LMF1: variants seen among roughly 807,000 people sequenced by gnomAD.
LMF1 encodes the protein lipase maturation factor 1.
In LMF1, 68 loss-of-function variants were observed where a neutral mutation model predicts 60.6. The observed-to-expected ratio is 1.12, with a 90% confidence interval of 0.92 to 1.37. The LOEUF is 1.37. Among genes scored for constraint, LMF1 ranks in the 40% most tolerant of loss-of-function variants. The pLI, the probability that LMF1 is intolerant of heterozygous loss-of-function variation, is 0.00. For synonymous variants in LMF1, 418 were observed against 324.7 expected, an observed-to-expected ratio of 1.29 and a Z score of -3.09; for missense variants, 948 against 767.2, an observed-to-expected ratio of 1.24 and a Z score of -2.78.
chr16:926,494 G>A (rs773938643), intron 3 of LMF1, among the ~76,000 whole-genome samples: 2 of 152,322 alleles, frequency 1.3e-5, no homozygotes, highest in East Asian at 1.9e-4. Context: ...ATGTGCGCAC[G>A]TGTGTTTGCA....
chr16:969,207 C>T (rs112373040), intron 1 of LMF1, among the ~76,000 whole-genome samples: 9,536 of 152,114 alleles, frequency 0.063, 366 homozygotes, highest in Non-Finnish European at 0.087. Flanking sequence ...CCCAGCTACT[C>T]GGAAGGCTGA....
chr16:957,895 C>A (rs2072741123), intron 1 of LMF1, among the ~76,000 whole-genome samples: 2 of 152,172 alleles, frequency 1.3e-5, no homozygotes, highest in South Asian at 2.1e-4. Context: ...GTCATCCCAG[C>A]ACTTTGGGAG....
chr16:859,198 T>G (rs1327516282), intron 10 of LMF1, among the ~76,000 whole-genome samples: 1 of 90,704 alleles, frequency 1.1e-5, no homozygotes. Context: ...GGGACGGGTG[T>G]GAGTGGTGTC....
intron 10 of LMF1, among the ~76,000 whole-genome samples, chr16:865,926 C>T (rs553029744): frequency 2.6e-5 from 4 of 152,244 alleles, no homozygotes; most frequent in Non-Finnish European, 4.4e-5. Context: ...ATTCAGATGT[C>T]GAGTGTTTTG....
chr16:959,363 G>C (rs116977600), intron 1 of LMF1, among the ~76,000 whole-genome samples: 8,629 of 152,290 alleles, frequency 0.057, 336 homozygotes, highest in Non-Finnish European at 0.087. Context: ...CACTGGAAAA[G>C]GCAAAACCAG....
At position 897,947 on chromosome 16, in the gene LMF1, C is replaced by T. The variant is rs1176923048; in HGVS notation, c.664-4875G>A. Reference sequence around the variant, plus strand: ...CAGACTTCCTTGTGGCACAGCTGCACCAGGAGCTGTGTACATGGCAGGCAT... The same window carrying T: ...CAGACTTCCTTGTGGCACAGCTGCATCAGGAGCTGTGTACATGGCAGGCAT... On this transcript the variant is annotated intron_variant, in intron 4 of 10. Transcript: ENST00000262301. The surrounding 1 kb of genome is among the most constrained non-coding windows in gnomAD (Gnocchi z 4.3). 6.6e-6 allele frequency among the ~76,000 whole-genome samples: 1 copy of T among 152,250 alleles called. No individual in the cohort carries two copies. Among genetic ancestry groups the T allele is most frequent in the Admixed American group, 6.5e-5 (1 of 15,284 alleles).
upstream of LMF1, chr16:971,105 C>A (rs2073043538): frequency 9.6e-7 from 1 of 1,039,288 alleles, no homozygotes; most frequent in African/African-American, 1.7e-5. Context: ...CCCCGGGAGG[C>A]CCCGCTCACA....
intron 3 of LMF1, among the ~76,000 whole-genome samples, chr16:913,368 G>A (rs952595536): frequency 1.3e-5 from 2 of 152,256 alleles, no homozygotes; most frequent in African/African-American, 4.8e-5. Context: ...GACACAGACA[G>A]CGTTGGCCCA....
chr16:979,746 G>A lies in LMF1; in HGVS notation c.-135+1399C>T, dbSNP rs144274889. On this transcript the variant is annotated intron_variant, in intron 1 of 6. Transcript: ENST00000570014. ...CTCACCCGGATGGCACTGTGAGCCCGAGTGGGCGATGTCTGCTCTCCCAGG... is the reference window on the plus strand; with the variant it reads ...CTCACCCGGATGGCACTGTGAGCCCAAGTGGGCGATGTCTGCTCTCCCAGG... 470 of 454,164 alleles carry A rather than the reference G, an allele frequency of 1.0e-3. 2 individuals carry two copies. The highest frequency in any genetic ancestry group is 2.5e-3 in the Admixed American group (105 of 42,584). The allele number at this position is 454,164 out of a possible 1,614,324, so 28.1% of individuals were successfully genotyped here.
intron 10 of LMF1, among the ~76,000 whole-genome samples, chr16:859,172 G>C (rs563076158): frequency 7.6e-6 from 1 of 130,780 alleles, no homozygotes; most frequent in African/African-American, 3.5e-5. Flanking sequence ...CTCGGGACGG[G>C]TGTGAGTGGT....
intron 3 of LMF1, among the ~76,000 whole-genome samples, chr16:930,452 T>A (rs906110872): frequency 6.6e-6 from 1 of 152,168 alleles, no homozygotes; most frequent in African/African-American, 2.4e-5. Context: ...TCCCAGCTAA[T>A]CGGGAGGCTG....
At chr16:862,687 G>C (rs1289360840) in intron 10 of LMF1, among the ~76,000 whole-genome samples, 4 of 151,862 alleles carry the variant, frequency 2.6e-5, no homozygotes, top group African/African-American at 9.7e-5. Context: ...GCAAGATCCT[G>C]TCTCTACAAA....
At position 878,745 on chromosome 16, in the gene LMF1, C is replaced by T. The variant is rs1278202967; in HGVS notation, c.897+825G>A. On this transcript the variant is annotated intron_variant, in intron 6 of 10. Transcript: ENST00000262301. The surrounding 1 kb of genome is among the most constrained non-coding windows in gnomAD (Gnocchi z 5.2). ...AGGGGTGGGCAGGGCAGGGGAAGGG[C>T]GGGGGCAGGGGCGGGCAGGGCAGGG... 2.6e-4 allele frequency among the ~76,000 whole-genome samples: 7 copies of T among 26,702 alleles called. No individual in the cohort carries two copies. In the East Asian group the frequency reaches 5.2e-3, roughly 20 times the overall value. The allele number at this position is 26,702 out of a possible 152,430, so 17.5% of individuals were successfully genotyped here.
intron 6 of LMF1, among the ~76,000 whole-genome samples, chr16:875,197 T>C (rs2069938369): frequency 6.6e-6 from 1 of 151,952 alleles, no homozygotes; most frequent in South Asian, 2.1e-4. Flanking sequence ...CCAGGTGCAG[T>C]GAGGCCCAGC....
intron 3 of LMF1, among the ~76,000 whole-genome samples, chr16:919,278 C>T (rs1404646535): frequency 6.6e-6 from 1 of 152,170 alleles, no homozygotes; most frequent in Non-Finnish European, 1.5e-5. Flanking sequence ...AGCTCACACA[C>T]TCACAGGGAA....
chr16:945,889 T>C (rs963925176), intron 2 of LMF1, among the ~76,000 whole-genome samples: 2 of 152,120 alleles, frequency 1.3e-5, no homozygotes, highest in African/African-American at 4.8e-5. Flanking sequence ...GGTTGCCAAG[T>C]CCCCGCAGGA....
intron 2 of LMF1, among the ~76,000 whole-genome samples, chr16:946,976 G>A (rs935652498): frequency 2.8e-4 from 42 of 152,378 alleles, no homozygotes; most frequent in African/African-American, 9.6e-4. Context: ...CGTCTAGCCA[G>A]GAAGGTAACT....
chr16:922,470 G>C (rs566989686), intron 3 of LMF1, among the ~76,000 whole-genome samples: 10 of 152,368 alleles, frequency 6.6e-5, no homozygotes, highest in African/African-American at 2.4e-4. Context: ...GCCAGCCCTT[G>C]TGTGGACAAA....
intron 6 of LMF1, chr16:871,671 C>T (rs921121516): frequency 4.3e-5 from 12 of 276,892 alleles, no homozygotes; most frequent in African/African-American, 1.1e-4. Context: ...GAACTCCTCA[C>T]TTTCAGAGGG....
Sources: allele counts gnomAD v4.1 joint callset (sites outside exome capture counted in the v4.1 genomes callset), GRCh38; gene constraint gnomAD v4.1.1; non-coding constraint Gnocchi (gnomAD v3.1); transcripts MANE v1.5; gene names NCBI Gene and HGNC (gene_info 2026-07-23, HGNC 2026-07-21).